DMRT1: variants seen among roughly 807,000 people sequenced by gnomAD.
The protein encoded by DMRT1 is doublesex and mab-3 related transcription factor 1, also known as doublesex- and mab-3-related transcription factor 1.
In DMRT1, 7 loss-of-function variants were observed where a neutral mutation model predicts 32.3. That is an observed-to-expected ratio of 0.22 (90% CI 0.12 to 0.41). The LOEUF (loss-of-function observed/expected upper bound fraction) is 0.41. Ranked by LOEUF, DMRT1 falls within the 10% of genes least tolerant of loss-of-function variation. The probability of loss-of-function intolerance (pLI) is 1.00; values close to 1 mark genes in which losing one functional copy is unlikely to be tolerated. For missense variants in DMRT1, 625 were observed against 500.5 expected (o/e 1.25, Z -2.37); for synonymous variants, 278 against 206.1 (o/e 1.35, Z -2.99).
At position 965,117 on chromosome 9, in the gene DMRT1, G is replaced by C. The variant is rs1819892143; in HGVS notation, c.968-2868G>C. ...TAAAATGGAAAAGGTACCTCTGAGG[G>C]ACGATCTTTAAGGATGGTAGTAAAA... On this transcript the variant is annotated intron_variant, in intron 4 of 4. Coordinates refer to ENST00000382276, the MANE Select transcript of DMRT1 (RefSeq NM_021951.3). This position sits in a 1 kb window ranked among gnomAD's most constrained non-coding sequence, Gnocchi z 4.5. Among the ~76,000 whole-genome samples, 1 of 152,184 alleles carries C rather than the reference G, an allele frequency of 6.6e-6. No individual in the cohort carries two copies. The highest frequency in any genetic ancestry group is 2.1e-4 in the South Asian group (1 of 4,828).
intron 4 of DMRT1, among the ~76,000 whole-genome samples, chr9:963,500 C>T (rs982147169): frequency 8.5e-5 from 13 of 152,216 alleles, no homozygotes; most frequent in Non-Finnish European, 1.0e-4. Context: ...CTAATTACAT[C>T]AGTTACAGCT....
At chr9:928,221 TA>T (rs1383983854) in intron 4 of DMRT1, among the ~76,000 whole-genome samples, 2 of 152,152 alleles carry the variant, frequency 1.3e-5, no homozygotes, top group East Asian at 1.9e-4. Context: ...ATGAGCTCCA[TA>T]AAAAAATAAT....
At chr9:960,863 G>A (rs1426541138) in intron 4 of DMRT1, among the ~76,000 whole-genome samples, 6 of 152,224 alleles carry the variant, frequency 3.9e-5, no homozygotes, top group African/African-American at 1.4e-4. Context: ...GGCAGGTGTA[G>A]ACAAGGGAAG....
At chr9:887,116 G>A (rs922881856) in intron 2 of DMRT1, among the ~76,000 whole-genome samples, 3 of 152,188 alleles carry the variant, frequency 2.0e-5, no homozygotes, top group African/African-American at 7.2e-5. Context: ...ACTTGAACCT[G>A]GGAGGCGGAG....
intron 2 of DMRT1, among the ~76,000 whole-genome samples, chr9:859,896 A>G (rs1469583659): frequency 6.6e-6 from 1 of 152,222 alleles, no homozygotes. Context: ...TCAGCCATCC[A>G]TTGCCATTCA....
intron 4 of DMRT1, among the ~76,000 whole-genome samples, chr9:931,478 G>C (rs1205095550): frequency 6.6e-6 from 1 of 152,184 alleles, no homozygotes; most frequent in East Asian, 1.9e-4. Context: ...ATTTCTATTA[G>C]TCTGGTTGGG....
chr9:948,909 T>C (rs1290093064), intron 4 of DMRT1, among the ~76,000 whole-genome samples: 1 of 121,284 alleles, frequency 8.2e-6, no homozygotes, highest in Non-Finnish European at 1.8e-5. Context: ...TACAAAATAA[T>C]AATAATAATA....
intron 4 of DMRT1, among the ~76,000 whole-genome samples, chr9:929,168 C>T (rs1818627489): frequency 6.6e-6 from 1 of 152,140 alleles, no homozygotes; most frequent in Non-Finnish European, 1.5e-5. Context: ...TTTGTATTTG[C>T]TAAATCTGAC....
At chr9:863,144 C>T (rs1815795920) in intron 2 of DMRT1, among the ~76,000 whole-genome samples, 1 of 46,314 alleles carries the variant, frequency 2.2e-5, no homozygotes, top group Non-Finnish European at 4.5e-5. Flanking sequence ...GAGATCAGGT[C>T]TCTACAAAAA....
At chr9:893,882 G>A in intron 2 of DMRT1, 30 bp from the exon 3 acceptor site, 1 of 1,603,896 alleles carries the variant, frequency 6.2e-7, no homozygotes. Flanking sequence ...TTAATACCAT[G>A]TTGTATTTTT....
chr9:862,735 T>C (rs572282346), intron 2 of DMRT1, among the ~76,000 whole-genome samples: 28 of 151,590 alleles, frequency 1.8e-4, no homozygotes, highest in Non-Finnish European at 3.8e-4. Context: ...AAGTGTAGTT[T>C]TGGTGGGTGT....
chr9:845,618 A>G (rs1329326203), intron 1 of DMRT1, among the ~76,000 whole-genome samples: 1 of 152,064 alleles, frequency 6.6e-6, no homozygotes, highest in Non-Finnish European at 1.5e-5. Context: ...TCTGTCTGGA[A>G]TATCACACAC....
intron 4 of DMRT1, among the ~76,000 whole-genome samples, chr9:957,334 T>G (rs1400663276): frequency 6.6e-6 from 1 of 152,256 alleles, no homozygotes; most frequent in Non-Finnish European, 1.5e-5. Context: ...AGTCCTTTCT[T>G]GGGGCTAATT....
chr9:900,230 G>C (rs1022850985), intron 3 of DMRT1, among the ~76,000 whole-genome samples: 21 of 152,180 alleles, frequency 1.4e-4, no homozygotes, highest in African/African-American at 5.1e-4. Context: ...GTGCCCCCTT[G>C]TGAGTGTTCC....
intron 2 of DMRT1, among the ~76,000 whole-genome samples, chr9:871,577 G>A (rs1230368354): frequency 2.1e-5 from 3 of 141,110 alleles, no homozygotes; most frequent in African/African-American, 5.5e-5. Flanking sequence ...TCCTGACCTC[G>A]TGATCCGCCC....
At chr9:928,291 TA>T (rs2129840914) in intron 4 of DMRT1, among the ~76,000 whole-genome samples, 1 of 152,322 alleles carries the variant, frequency 6.6e-6, no homozygotes, top group African/African-American at 2.4e-5. Flanking sequence ...ACACATATTT[TA>T]AAATTCTCTG....
chr9:842,012 C>T lies in DMRT1; in HGVS notation c.174C>T (p.Ser58=), dbSNP rs772364429. Residue 58 remains serine (S), a synonymous_variant, in exon 1 of 5, where the codon TCC becomes TCT. Transcript: ENST00000382276. ...GCAGCAGAGGAGGCGGCTCCGGCTC[C>T]GGGGCGTCGGACCTGGGTGCCGGGA... ...GGSSRGGGSG[S]GASDLGAGSK... is the part of the protein sequence containing the mutation. 10 of 1,552,442 alleles carry T rather than the reference C, an allele frequency of 6.4e-6. No individual in the cohort carries two copies. The highest frequency in any genetic ancestry group is 3.9e-5 in the Admixed American group (2 of 51,698).
At chr9:951,890 C>A (rs1156291354) in intron 4 of DMRT1, among the ~76,000 whole-genome samples, 1 of 152,184 alleles carries the variant, frequency 6.6e-6, no homozygotes, top group African/African-American at 2.4e-5. Context: ...CAGTTTGAAG[C>A]ACTTACTGAT....
chr9:909,688 C>A (rs1817903476), intron 3 of DMRT1, among the ~76,000 whole-genome samples: 1 of 147,984 alleles, frequency 6.8e-6, no homozygotes, highest in Non-Finnish European at 1.5e-5. Context: ...GACTGTAAGC[C>A]ACATATGAAT....
Sources: allele counts gnomAD v4.1 joint callset (sites outside exome capture counted in the v4.1 genomes callset), GRCh38; gene constraint gnomAD v4.1.1; non-coding constraint Gnocchi (gnomAD v3.1); transcripts MANE v1.5; gene names NCBI Gene and HGNC (gene_info 2026-07-23, HGNC 2026-07-21).